AUP1: variants seen among roughly 807,000 people sequenced by gnomAD.
AUP1 encodes AUP1 lipid droplet regulating VLDL assembly factor.
Under a neutral mutation model 51.8 loss-of-function variants are expected in AUP1, and 30 were observed. The ratio of observed to expected loss-of-function variants is 0.58; its 90% CI spans 0.43 to 0.79. The LOEUF (loss-of-function observed/expected upper bound fraction) is 0.79. Among genes scored for constraint, AUP1 ranks in the 30% least tolerant of loss-of-function variants. AUP1 has a pLI of 0.00. For missense variants in AUP1, 492 were observed against 517.1 expected (o/e 0.95, Z 0.47); for synonymous variants, 227 against 209.0 (o/e 1.09, Z -0.74).
Position 74,528,846 on chromosome 2 carries a change from C to G in AUP1, c.429G>C (p.Lys143Asn). The G allele has an allele frequency of 6.2e-7, 1 of 1,614,166 alleles. No individual in the cohort carries two copies. The highest frequency in any genetic ancestry group is 2.2e-5 in the East Asian group (1 of 44,892). The change falls in exon 4 of 12, where the codon AAG (lysine) becomes AAC (asparagine). Residue 143 changes from lysine to asparagine, a missense_variant. By Grantham distance (94) the Lys-to-Asn change is moderately conservative. Coordinates refer to ENST00000377526, the MANE Select transcript of AUP1 (RefSeq NM_181575.5). ...NGRGELVESL[K>N]RFCASTRLPP... ...GAAGCCTCGTGGAAGCACAGAATCTCTTGAGTGACTCCACCAACTCCCCCC... is the reference window on the plus strand; with the variant it reads ...GAAGCCTCGTGGAAGCACAGAATCTGTTGAGTGACTCCACCAACTCCCCCC...
Position 74,529,292 on chromosome 2 carries a change from C to A in AUP1, c.189-10G>T. On this transcript the variant is annotated splice_polypyrimidine_tract_variant and intron_variant, in intron 2 of 11. Transcript: ENST00000377526. ...GGTCCGCACTACGAATCTGGGGACA[C>A]AGGAGGTGGTGACTGTGTGGCCTCG... 1 of 1,614,158 alleles carries A rather than the reference C, an allele frequency of 6.2e-7. No individual in the cohort carries two copies.
At chr2:74,526,874 C>G in intron 11 of AUP1, 38 bp from the exon 12 acceptor site, 1 of 1,601,250 alleles carries the variant, frequency 6.2e-7, no homozygotes, top group Non-Finnish European at 8.5e-7. Flanking sequence ...CAGGCTTTGC[C>G]GTAGTAGCTC....
In AUP1 at chr2:74,527,773, C is replaced by T. The variant is rs1240692042; in HGVS notation, c.804G>A (p.Met268Ile). The T allele has an allele frequency of 6.2e-7, 1 of 1,613,962 alleles. No individual in the cohort carries two copies. The highest frequency in any genetic ancestry group is 1.7e-5 in the Admixed American group (1 of 60,000). Reference protein sequence around the residue: ...RLTPADKAEHMKRQRHPRLRP... With the variant: ...RLTPADKAEHIKRQRHPRLRP... ...GCAATCTGGGGTGTCTTTGTCGCTT[C>T]ATGTGCTCTGCTTTGTCAGCTGGAG... is the stretch of plus-strand genomic sequence containing the variant. The change falls in exon 8 of 12, where the codon ATG becomes ATA. Residue 268 changes from methionine to isoleucine, a missense_variant. Coordinates refer to ENST00000377526, the MANE Select transcript of AUP1 (RefSeq NM_181575.5).
At chr2:74,527,706 C>G (rs576331807) in intron 8 of AUP1, 30 bp downstream of exon 8, 1 of 1,596,848 alleles carries the variant, frequency 6.3e-7, no homozygotes, top group South Asian at 1.2e-5. Flanking sequence ...AAAAAAACCC[C>G]AAAAGCTGTA....
chr2:74,527,199 G>A, intron 10 of AUP1, 49 bp downstream of exon 10: 1 of 1,601,358 alleles, frequency 6.2e-7, no homozygotes, highest in Non-Finnish European at 8.5e-7. Context: ...TACATAGCCT[G>A]CCCCCAACTC....
At position 74,529,682 on chromosome 2, in the gene AUP1, C is replaced by T. The variant is rs528446739; in HGVS notation, c.-53G>A. On this transcript the variant is annotated 5_prime_UTR_variant, in exon 1 of 12. Transcript: ENST00000377526. ...TCGCCGCCGCCGCCATTTTCGCGCCCGGCCGCAGGGGCTCTTGGGAAGGCG... is the reference window on the plus strand; with the variant it reads ...TCGCCGCCGCCGCCATTTTCGCGCCTGGCCGCAGGGGCTCTTGGGAAGGCG... The T allele has an allele frequency of 1.0e-4, 155 of 1,541,596 alleles. No individual in the cohort carries two copies. In the African/African-American group the frequency reaches 2.0e-3, roughly 20 times the overall value.
rs1269656074 is a variant in AUP1, at chr2:74,527,610, A to G, written c.842-20T>C. 2.9e-5 allele frequency: 46 copies of G among 1,587,618 alleles called. No homozygotes were observed. Among genetic ancestry groups the G allele is most frequent in the Middle Eastern group, 1.7e-4 (1 of 5,918 alleles). On this transcript the variant is annotated intron_variant, in intron 8 of 11. Coordinates refer to ENST00000377526, the MANE Select transcript of AUP1 (RefSeq NM_181575.5). ...ACTGGGCTGTGGAAAAAGGAAAAAA[A>G]GAAAAAAGAAATTCTGGTAAGTAGA...
In AUP1 at chr2:74,527,728, C is replaced by T. The variant is rs369629621; in HGVS notation, c.841+8G>A. 3 of 1,613,284 alleles carry T rather than the reference C, an allele frequency of 1.9e-6. No individual in the cohort carries two copies. In the African/African-American group the frequency reaches 4.0e-5, roughly 22 times the overall value. On this transcript the variant is annotated splice_region_variant and intron_variant, in intron 8 of 11. Coordinates refer to ENST00000377526, the MANE Select transcript of AUP1 (RefSeq NM_181575.5). The stretch of plus-strand genomic sequence containing the variant: ...CCCCAAAAGCTGTAATGTATAGAGA[C>T]CACATACCTGACTGGGGGCGCAATC...
intron 6 of AUP1, 82 bp downstream of exon 6, chr2:74,528,166 A>T: frequency 6.6e-7 from 1 of 1,505,420 alleles, no homozygotes; most frequent in Non-Finnish European, 9.2e-7. Context: ...AAGATCTACA[A>T]ATGGACAGGG....
chr2:74,528,426 C>G lies in AUP1; in HGVS notation c.588G>C (p.Leu196=), dbSNP rs1420864383. The part of the protein sequence containing the change: ...QPLTLQVQRP[L]VSVTVSDASW... ...TTCAACACACACTCACCACAGAGAC[C>G]AGGGGTCTCTGAACTTGCAGGGTAA... Residue 196 remains leucine (L), a synonymous_variant, in exon 5 of 12, where the codon CTG becomes CTC. Transcript: ENST00000377526. 1 of 1,613,694 alleles carries G rather than the reference C, an allele frequency of 6.2e-7. No individual in the cohort carries two copies. Among genetic ancestry groups the G allele is most frequent in the Non-Finnish European group, 8.5e-7 (1 of 1,179,694 alleles).
At chr2:74,528,161 C>G in intron 6 of AUP1, 87 bp downstream of exon 6, 1 of 1,499,258 alleles carries the variant, frequency 6.7e-7, no homozygotes. Flanking sequence ...ATATAAAGAT[C>G]TACAAATGGA....
rs1166056874 is a variant in AUP1 at position 74,528,397 on chromosome 2, C to T, written c.597+20G>A. The stretch of plus-strand genomic sequence containing the variant: ...TTTCCCCTTCAAGCCCCAGAGATTC[C>T]CTGTTCAACACACACTCACCACAGA... On this transcript the variant is annotated intron_variant, in intron 5 of 11. Coordinates refer to ENST00000377526, the MANE Select transcript of AUP1 (RefSeq NM_181575.5). The T allele has an allele frequency of 1.2e-6, 2 of 1,612,644 alleles. No homozygotes were observed. Among genetic ancestry groups the T allele is most frequent in the African/African-American group, 1.3e-5 (1 of 74,888 alleles).
chr2:74,526,953 T>G lies in AUP1; in HGVS notation c.1184A>C (p.Glu395Ala). ...CTAACCCCCTCACCTTCTTGCGTAT[T>G]CATATAGTGCTTGCTTGCGCTCCTG... ...SLQERKQALY[E>A]YARRRFTERR... Residue 395 changes from glutamate (E) to alanine (A), a missense_variant, in exon 11 of 12, where the codon GAA becomes GCA. By Grantham distance (107) the Glu-to-Ala change is moderately radical. Transcript: ENST00000377526. The G allele has an allele frequency of 1.2e-6, 2 of 1,614,138 alleles. No homozygotes were observed. The highest frequency in any genetic ancestry group is 1.1e-5 in the South Asian group (1 of 91,086).
chr2:74,528,098 G>A (rs146230226), intron 6 of AUP1, 92 bp from the exon 7 acceptor site: 2 of 1,518,738 alleles, frequency 1.3e-6, no homozygotes, highest in East Asian at 4.5e-5. Flanking sequence ...ATGGTGGGTG[G>A]GAAAATAGTA....
intron 3 of AUP1, 49 bp from the exon 4 acceptor site, chr2:74,528,984 GA>G (rs3835033): frequency 2.9e-5 from 43 of 1,493,188 alleles, no homozygotes; most frequent in Admixed American, 5.3e-5. Context: ...TGAGGAAAAT[GA>G]AAAAAAAAAC....
intron 8 of AUP1, 57 bp downstream of exon 8, chr2:74,527,679 T>A (rs1675254883): frequency 1.9e-6 from 3 of 1,586,290 alleles, no homozygotes; most frequent in Non-Finnish European, 2.6e-6. Flanking sequence ...AGGGGAGGAA[T>A]CACAGTAGGC....
chr2:74,529,401 A>T lies in AUP1; in HGVS notation c.149T>A (p.Phe50Tyr). The change falls in exon 2 of 12, where the codon TTC (phenylalanine) becomes TAC (tyrosine). Residue 50 changes from phenylalanine to tyrosine, a missense_variant. Physicochemically the swap from Phe to Tyr is conservative, Grantham distance 22. Coordinates refer to ENST00000377526, the MANE Select transcript of AUP1 (RefSeq NM_181575.5). ...VLRLFLGIHV[F>Y]LVSCALPDSV... The stretch of plus-strand genomic sequence containing the variant: ...GTCTGGCAGCGCGCAGCTGACCAGG[A>T]AGACGTGGATCCCGAGAAAGAGGCG... 6 of 1,602,838 alleles carry T rather than the reference A, an allele frequency of 3.7e-6. No homozygotes were observed. Among genetic ancestry groups the T allele is most frequent in the Non-Finnish European group, 5.1e-6 (6 of 1,174,404 alleles).
At chr2:74,528,711 C>CG (rs1675326382) in intron 4 of AUP1, 40 bp downstream of exon 4, 1 of 1,550,988 alleles carries the variant, frequency 6.4e-7, no homozygotes, top group South Asian at 1.2e-5. Flanking sequence ...CAAGCTTGAC[C>CG]ACCTACCCAG....
chr2:74,528,385 C>T (rs766077759), intron 5 of AUP1, 32 bp downstream of exon 5: 17 of 1,611,694 alleles, frequency 1.1e-5, no homozygotes, highest in Non-Finnish European at 1.4e-5. Flanking sequence ...CCCCTTCAAG[C>T]CCCAGAGATT....
Sources: allele counts gnomAD v4.1 joint callset, GRCh38; gene constraint gnomAD v4.1.1; transcripts MANE v1.5; gene names NCBI Gene and HGNC (gene_info 2026-07-23, HGNC 2026-07-21).